Variants in TAB2 observed in about 807,000 individuals in gnomAD.
TAB2 encodes the protein TGF-beta-activated kinase 1 and MAP3K7-binding protein 2.
In TAB2, 3 loss-of-function variants were observed where a neutral mutation model predicts 65.0. The ratio of observed to expected loss-of-function variants is 0.05; its 90% CI spans 0.02 to 0.12. TAB2 has a LOEUF of 0.12. Ranked by LOEUF, TAB2 falls within the 10% of genes least tolerant of loss-of-function variation. TAB2 has a pLI of 1.00. For missense variants in TAB2, 623 were observed against 840.3 expected (o/e 0.74, Z 3.20); for synonymous variants, 298 against 285.1 (o/e 1.05, Z -0.46).
chr6:149,364,183 C>T (rs1346383473), intron 1 of TAB2, among the ~76,000 whole-genome samples: 2 of 152,114 alleles, frequency 1.3e-5, no homozygotes, highest in Non-Finnish European at 2.9e-5. Flanking sequence ...ACCCTTTTTC[C>T]ATACAATAGC....
chr6:149,406,239 A>C (rs1330229462), intron 6 of TAB2, among the ~76,000 whole-genome samples: 1 of 152,204 alleles, frequency 6.6e-6, no homozygotes, highest in African/African-American at 2.4e-5. Flanking sequence ...GATAAAAATT[A>C]TTTGTGTTAC....
At chr6:149,295,585 A>G (rs1356682503) in intron 1 of TAB2, among the ~76,000 whole-genome samples, 4 of 152,088 alleles carry the variant, frequency 2.6e-5, no homozygotes, top group Admixed American at 6.6e-5. Context: ...TGTTTTCAGG[A>G]TAATTTCTTC....
At chr6:149,370,316 G>C (rs147733215) in intron 2 of TAB2, among the ~76,000 whole-genome samples, 1 of 152,284 alleles carries the variant, frequency 6.6e-6, no homozygotes, top group Admixed American at 6.5e-5. Flanking sequence ...GAGTAGATGT[G>C]AGAGTTAAAT....
At chr6:149,357,959 C>T (rs1427883185) in intron 1 of TAB2, among the ~76,000 whole-genome samples, 1 of 152,152 alleles carries the variant, frequency 6.6e-6, no homozygotes, top group Non-Finnish European at 1.5e-5. Flanking sequence ...CCTTGGCCTC[C>T]CAAAGTGCCA....
intron 1 of TAB2, among the ~76,000 whole-genome samples, chr6:149,252,091 T>C (rs1777873873): frequency 6.6e-6 from 1 of 152,122 alleles, no homozygotes; most frequent in South Asian, 2.1e-4. Context: ...GCTACAGACC[T>C]GGAATGAGAA....
chr6:149,400,491 A>AT (rs1237004820), intron 6 of TAB2: 5 of 1,614,232 alleles, frequency 3.1e-6, no homozygotes, highest in Admixed American at 3.3e-5. Flanking sequence ...GCAGTTTAAG[A>AT]TTAAGAGGCA....
In TAB2 at chr6:149,352,598, A is replaced by G. The variant is rs549431566; in HGVS notation, c.-89-17311A>G. 1.6e-4 allele frequency among the ~76,000 whole-genome samples: 24 copies of G among 152,266 alleles called. No homozygotes were observed. The South Asian group carries it at 4.8e-3, about 30-fold the overall frequency. On this transcript the variant is annotated intron_variant, in intron 1 of 6. Transcript: ENST00000637181. The stretch of plus-strand genomic sequence containing the variant: ...CAATACTTTACTATAAGCACCTCTT[A>G]TATGTGATCCTTTGACCATAGTCAT...
chr6:149,310,443 T>C (rs543910), intron 1 of TAB2, among the ~76,000 whole-genome samples: 66,604 of 151,598 alleles, frequency 0.44, 14,955 homozygotes, highest in African/African-American at 0.56. Flanking sequence ...CCAGCTTTCT[T>C]TGTCTTTCAA....
At chr6:149,296,516 G>C (rs559055) in intron 1 of TAB2, among the ~76,000 whole-genome samples, 61,439 of 152,074 alleles carry the variant, frequency 0.4, 14,043 homozygotes, top group African/African-American at 0.64. Context: ...AATATTTCAA[G>C]AAATGTTTTA....
intron 1 of TAB2, among the ~76,000 whole-genome samples, chr6:149,290,769 T>G (rs1778761807): frequency 6.6e-6 from 1 of 152,152 alleles, no homozygotes; most frequent in African/African-American, 2.4e-5. Flanking sequence ...GGCTTGAGCC[T>G]GGGAGGCAGA....
At chr6:149,324,772 G>A (rs1332513266) in intron 1 of TAB2, among the ~76,000 whole-genome samples, 2 of 152,050 alleles carry the variant, frequency 1.3e-5, no homozygotes, top group Admixed American at 6.6e-5. Flanking sequence ...GATATGAACT[G>A]GGGCCATAGG....
intron 1 of TAB2, among the ~76,000 whole-genome samples, chr6:149,228,529 G>C (rs1185539467): frequency 3.9e-5 from 6 of 152,294 alleles, no homozygotes; most frequent in Middle Eastern, 3.4e-3. Context: ...TGTGACAGCT[G>C]CTACCCACTG....
intron 1 of TAB2, among the ~76,000 whole-genome samples, chr6:149,295,036 A>G (rs1177547936): frequency 1.3e-5 from 2 of 152,216 alleles, no homozygotes; most frequent in African/African-American, 4.8e-5. Context: ...TTTTACTTTT[A>G]TGTCTCCTTC....
chr6:149,281,418 G>A (rs550985939), intron 1 of TAB2, among the ~76,000 whole-genome samples: 12 of 151,128 alleles, frequency 7.9e-5, no homozygotes, highest in South Asian at 2.1e-4. Flanking sequence ...AAAGGAAATC[G>A]TAAAAAATAC....
intron 1 of TAB2, among the ~76,000 whole-genome samples, chr6:149,239,038 C>T (rs1429630498): frequency 1.3e-5 from 2 of 152,184 alleles, no homozygotes; most frequent in Admixed American, 1.3e-4. Flanking sequence ...GGGACCTCTA[C>T]AAGGGATTAA....
At chr6:149,308,506 T>A (rs1779108878) in intron 1 of TAB2, among the ~76,000 whole-genome samples, 1 of 120,032 alleles carries the variant, frequency 8.3e-6, no homozygotes, top group Non-Finnish European at 1.7e-5. Context: ...TTCTATTTAT[T>A]TATTTATTTA....
intron 1 of TAB2, among the ~76,000 whole-genome samples, chr6:149,269,195 T>C (rs1303295890): frequency 1.3e-5 from 2 of 152,160 alleles, no homozygotes; most frequent in South Asian, 2.1e-4. Context: ...TCATTAGCCT[T>C]TGTGCTGCGA....
rs560535130 is a variant in TAB2, at chr6:149,403,479, A to G, written c.1939+4295A>G. On this transcript the variant is annotated intron_variant, in intron 6 of 6. Transcript: ENST00000637181. ...GAAAGCTTTCCCACTAAGATCTGGC[A>G]CAAGCAAGGGTGCCATTCTTGCCAC... Among the ~76,000 whole-genome samples the G allele has an allele frequency of 3.3e-5, 5 of 151,716 alleles. No homozygotes were observed. In the South Asian group the frequency reaches 1.0e-3, roughly 32 times the overall value.
At chr6:149,260,716 C>T (rs1296247608) in intron 1 of TAB2, among the ~76,000 whole-genome samples, 3 of 152,112 alleles carry the variant, frequency 2.0e-5, no homozygotes, top group Non-Finnish European at 4.4e-5. Context: ...CACTGAGAAG[C>T]GCTGAGAAGG....
Sources: gnomAD v4.1 joint callset for allele counts (sites outside exome capture counted in the v4.1 genomes callset) on GRCh38, gnomAD v4.1.1 for gene constraint, MANE v1.5 for transcripts, NCBI Gene and HGNC (gene_info 2026-07-23, HGNC 2026-07-21) for gene names.